Variants in NELFA observed in about 807,000 individuals in gnomAD.
NELFA encodes negative elongation factor complex member A.
A neutral mutation model predicts 51.8 loss-of-function variants in NELFA; 35 were observed. The ratio of observed to expected loss-of-function variants is 0.68; its 90% CI spans 0.52 to 0.90. The LOEUF is 0.90. Among genes scored for constraint, NELFA ranks in the 40% least tolerant of loss-of-function variants. The pLI is 0.00. For synonymous variants in NELFA, 417 were observed against 338.4 expected (o/e 1.23, Z -2.55); for missense variants, 658 against 746.4 (o/e 0.88, Z 1.38).
chr4:1,984,568 T>C (rs1240593054), intron 8 of NELFA, among the ~76,000 whole-genome samples: 1 of 152,212 alleles, frequency 6.6e-6, no homozygotes, highest in East Asian at 1.9e-4. Flanking sequence ...CTTCCTGCCG[T>C]GTCCCCTGGG....
At chr4:1,998,006 G>A (rs1417249987) in intron 1 of NELFA, among the ~76,000 whole-genome samples, 1 of 152,058 alleles carries the variant, frequency 6.6e-6, no homozygotes, top group Admixed American at 6.6e-5. Context: ...AATATGGCCT[G>A]AAGTGAACCC....
At chr4:2,000,322 C>T (rs978683166) in intron 1 of NELFA, among the ~76,000 whole-genome samples, 1 of 151,590 alleles carries the variant, frequency 6.6e-6, no homozygotes, top group African/African-American at 2.4e-5. Flanking sequence ...CACGAAAAAC[C>T]CTCCCCCCCA....
chr4:1,996,206 C>G (rs1192668424), intron 1 of NELFA, among the ~76,000 whole-genome samples: 1 of 152,152 alleles, frequency 6.6e-6, no homozygotes, highest in Non-Finnish European at 1.5e-5. Context: ...GAGCTCAATA[C>G]AGCTAGAAAT....
intron 1 of NELFA, among the ~76,000 whole-genome samples, chr4:2,006,124 G>T (rs376792083): frequency 2.0e-5 from 3 of 152,196 alleles, no homozygotes; most frequent in African/African-American, 7.2e-5. Flanking sequence ...CGACTTAGTG[G>T]GTTATTAGCA....
intron 7 of NELFA, 90 bp from the exon 8 acceptor site, chr4:1,985,009 A>C: frequency 1.1e-6 from 1 of 922,284 alleles, no homozygotes; most frequent in Non-Finnish European, 1.6e-6. Context: ...CCACTGCCAC[A>C]GGCTGTGGCC....
At chr4:1,992,375 G>C (rs1116585) in intron 1 of NELFA, 1 of 300,438 alleles carries the variant, frequency 3.3e-6, no homozygotes, top group South Asian at 2.4e-5. Flanking sequence ...CGTGGAGGAA[G>C]CAGGCGCACC....
At chr4:2,001,835 G>A (rs1189539634) in intron 1 of NELFA, among the ~76,000 whole-genome samples, 11 of 151,806 alleles carry the variant, frequency 7.2e-5, no homozygotes, top group East Asian at 1.9e-4. Flanking sequence ...CAAGGGAGGC[G>A]GAGGTTGCAG....
intron 1 of NELFA, among the ~76,000 whole-genome samples, chr4:1,998,835 C>A (rs1728498524): frequency 6.6e-6 from 1 of 152,116 alleles, no homozygotes; most frequent in Admixed American, 6.5e-5. Flanking sequence ...AACCCCAAGA[C>A]ACATAATCAT....
intron 1 of NELFA, among the ~76,000 whole-genome samples, chr4:1,999,008 G>T (rs1267124927): frequency 6.6e-6 from 1 of 152,016 alleles, no homozygotes; most frequent in Non-Finnish European, 1.5e-5. Context: ...CATTCTTAAA[G>T]AAAAGAATTT....
intron 3 of NELFA, among the ~76,000 whole-genome samples, chr4:1,988,871 G>A (rs1304286987): frequency 2.6e-5 from 4 of 151,806 alleles, no homozygotes; most frequent in East Asian, 3.9e-4. Flanking sequence ...GCCCAACAGC[G>A]TGACTCAGCT....
At chr4:2,000,503 T>G (rs139103013) in intron 1 of NELFA, among the ~76,000 whole-genome samples, 13 of 152,080 alleles carry the variant, frequency 8.5e-5, no homozygotes, top group Middle Eastern at 3.4e-3. Context: ...CAAACTACCA[T>G]CAGAGAATAC....
rs1161726047 is a variant in NELFA, at chr4:1,989,520, G to A, written c.544+188C>T. Among the ~76,000 whole-genome samples the A allele has an allele frequency of 6.6e-6, 1 of 151,800 alleles. No individual in the cohort carries two copies. The highest frequency in any genetic ancestry group is 2.4e-5 in the African/African-American group (1 of 41,292). ...TGTTTTGGTACTTTTGGTAGAGATG[G>A]GGTTTCTTGGCTGGTCTCAAACTCC... On this transcript the variant is annotated intron_variant, in intron 3 of 10. Transcript: ENST00000382882. The surrounding 1 kb of genome is among the most constrained non-coding windows in gnomAD (Gnocchi z 4.8).
chr4:2,002,011 T>C (rs1335920411), intron 1 of NELFA, among the ~76,000 whole-genome samples: 3 of 150,810 alleles, frequency 2.0e-5, no homozygotes, highest in East Asian at 3.9e-4. Context: ...CCATCCTGGC[T>C]AACACGGTGA....
chr4:1,985,628 T>G lies in NELFA; in HGVS notation c.924+148A>C, dbSNP rs367906135. The G allele has an allele frequency of 1.1e-3, 705 of 639,646 alleles. 3 individuals are homozygous for G. In the African/African-American group the frequency reaches 0.012, roughly 11 times the overall value. 39.6% of individuals were successfully genotyped at this position (639,646 alleles called of 1,614,324 possible). On this transcript the variant is annotated intron_variant, in intron 7 of 10. Transcript: ENST00000382882. ...GGCACGGCCCACACTGCCTCTCATG[T>G]ACATATACGTATATATACATAAATA...
In NELFA at chr4:1,986,575, C is replaced by T. The variant is rs529188735; in HGVS notation, c.635-173G>A. On this transcript the variant is annotated intron_variant, in intron 4 of 10. Transcript: ENST00000382882. ...TCCCGGACCTCAAGGAGCAGGGGAA[C>T]GCCTGGAGCCACGACCTCACACTTT... 2.7e-5 allele frequency: 27 copies of T among 1,003,730 alleles called. 1 individual carries two copies. Among genetic ancestry groups the T allele is most frequent in the South Asian group, 2.7e-4 (16 of 60,286 alleles). 62.2% of individuals were successfully genotyped at this position (1,003,730 alleles called of 1,614,324 possible). A position where few individuals can be genotyped will look rare whatever the true frequency, so the allele number is the denominator to read the frequency against.
At position 1,986,468 on chromosome 4, in the gene NELFA, A is replaced by T. The variant is rs571972940; in HGVS notation, c.635-66T>A. 27 of 1,601,950 alleles carry T rather than the reference A, an allele frequency of 1.7e-5. No homozygotes were observed. In the African/African-American group the frequency reaches 3.4e-4, roughly 20 times the overall value. On this transcript the variant is annotated intron_variant, in intron 4 of 10. Coordinates refer to ENST00000382882, the MANE Select transcript of NELFA (RefSeq NM_005663.5). ...GGCAAACGTCCCCCACCCCGAGCTCAGAACGTCCCACCCTCTTCTAGGCTA... is the reference window on the plus strand; with the variant it reads ...GGCAAACGTCCCCCACCCCGAGCTCTGAACGTCCCACCCTCTTCTAGGCTA...
At chr4:1,997,627 C>T (rs1484709266) in intron 1 of NELFA, among the ~76,000 whole-genome samples, 2 of 152,200 alleles carry the variant, frequency 1.3e-5, no homozygotes, top group African/African-American at 4.8e-5. Context: ...ATGTGAGAGA[C>T]TGAACACTCG....
At chr4:1,985,056 C>A (rs577194830) in intron 7 of NELFA, 137 bp from the exon 8 acceptor site, 16 of 633,056 alleles carry the variant, frequency 2.5e-5, no homozygotes, top group Middle Eastern at 7.3e-4. Context: ...GCCACTCTCC[C>A]GAGCTCCCTG....
At chr4:1,990,599 G>C in intron 2 of NELFA, 1 of 442,230 alleles carries the variant, frequency 2.3e-6, no homozygotes, top group Non-Finnish European at 4.6e-6. Flanking sequence ...CAGGGGGGTG[G>C]CCAGCAGGGC....
Sources: allele counts gnomAD v4.1 joint callset (sites outside exome capture counted in the v4.1 genomes callset), GRCh38; gene constraint gnomAD v4.1.1; non-coding constraint Gnocchi (gnomAD v3.1); transcripts MANE v1.5; gene names NCBI Gene and HGNC (gene_info 2026-07-23, HGNC 2026-07-21).